LRCH2: variants seen among roughly 807,000 people sequenced by gnomAD.
LRCH2 encodes the protein leucine-rich repeat and calponin homology domain-containing protein 2.
A neutral mutation model predicts 68.9 loss-of-function variants in LRCH2; 38 were observed. The ratio of observed to expected loss-of-function variants is 0.55; its 90% confidence interval spans 0.43 to 0.72. LRCH2 has a LOEUF of 0.72. Among genes scored for constraint, LRCH2 ranks in the 30% least tolerant of loss-of-function variants. LRCH2 has a pLI of 0.00. For missense variants in LRCH2, 528 were observed against 572.9 expected (o/e 0.92, Z 0.80); for synonymous variants, 191 against 208.1 (o/e 0.92, Z 0.71).
intron 3 of LRCH2, 93 bp from the exon 4 acceptor site, chrX:115,179,844 G>T (rs1303404535): frequency 6.6e-6 from 2 of 302,181 alleles, no homozygotes; most frequent in Non-Finnish European, 1.0e-5. Flanking sequence ...AAAGCACATG[G>T]TTAATAGCTA....
At chrX:115,194,688 G>A (rs1488639100) in intron 1 of LRCH2, among the ~76,000 whole-genome samples, 1 of 111,863 alleles carries the variant, frequency 8.9e-6, no homozygotes, top group African/African-American at 3.3e-5. Flanking sequence ...AGTACTCATA[G>A]GGGATGGCAA....
intron 1 of LRCH2, among the ~76,000 whole-genome samples, chrX:115,210,655 A>G (rs1483042703): frequency 9.1e-6 from 1 of 110,277 alleles, no homozygotes; most frequent in East Asian, 2.9e-4. Flanking sequence ...CATCCTCCAG[A>G]CCCCACAATG....
intron 8 of LRCH2, 38 bp from the exon 9 acceptor site, chrX:115,165,693 G>T: frequency 1.0e-6 from 1 of 1,002,468 alleles, no homozygotes; most frequent in Non-Finnish European, 1.4e-6. Context: ...AATGTACATA[G>T]TAAACTGTAT....
At chrX:115,206,169 TTTAA>T (rs2072965526) in intron 1 of LRCH2, among the ~76,000 whole-genome samples, 2 of 112,471 alleles carry the variant, frequency 1.8e-5, no homozygotes, top group African/African-American at 6.5e-5. Flanking sequence ...CCTCAGGGAA[TTTAA>T]TTAAATGTGC....
chrX:115,122,967 G>A, intron 18 of LRCH2, 70 bp from the exon 19 acceptor site: 2 of 1,084,395 alleles, frequency 1.8e-6, no homozygotes, highest in Non-Finnish European at 2.5e-6. Context: ...ATTACTAATT[G>A]TTGTATATCC....
Position 115,122,875 on chromosome X carries a change from AC to A in LRCH2, c.1984del (p.Val662Ter). ...LRNNLESRLK[V>X]ILPDDIGAAL... ...AGCTCCAATGTCATCAGGCAAAATT[AC>A]TTTTAACCTGGATTCAAGATTCTAT... On this transcript the variant is annotated frameshift_variant, in exon 19 of 21. Transcript: ENST00000317135. LOFTEE classifies it high-confidence loss of function. The A allele has an allele frequency of 8.3e-7, 1 of 1,207,558 alleles. No individual in the cohort carries two copies.
intron 1 of LRCH2, chrX:115,192,555 T>C: frequency 8.6e-7 from 1 of 1,169,519 alleles, no homozygotes; most frequent in Non-Finnish European, 1.1e-6. Context: ...CCCTGCATGA[T>C]TCTTACAGCC....
Position 115,123,177 on chromosome X carries a change from G to C in LRCH2, c.1865C>G (p.Ser622Cys). Residue 622 changes from serine (S) to cysteine (C), a missense_variant, in exon 18 of 21, where the codon TCT becomes TGT. Physicochemically the swap from Ser to Cys is moderately radical, Grantham distance 112. Transcript: ENST00000317135. The stretch of plus-strand genomic sequence containing the variant: ...ATCTGCTGCCCCATATTCTTGGCGA[G>C]ATGAGCGGCTAAAAGCTATAAAAAC... Reference protein sequence around the residue: ...LKPRSAFSRSSRQEYGAADPG... With the variant: ...LKPRSAFSRSCRQEYGAADPG... 1 of 1,206,705 alleles carries C rather than the reference G, an allele frequency of 8.3e-7. No homozygotes were observed. Among genetic ancestry groups the C allele is most frequent in the Non-Finnish European group, 1.1e-6 (1 of 892,903 alleles).
In LRCH2 at chrX:115,181,364, G is replaced by A. The variant is rs1162793459; in HGVS notation, c.622-1613C>T. 3.6e-5 allele frequency among the ~76,000 whole-genome samples: 4 copies of A among 112,345 alleles called. No individual in the cohort carries two copies. The East Asian group carries it at 8.4e-4, about 24-fold the overall frequency. ...GTTCAGAATAGACTACTATTCAAACGATGGATAATAGAAGTTTGTGAAAAT... is the reference window on the plus strand; with the variant it reads ...GTTCAGAATAGACTACTATTCAAACAATGGATAATAGAAGTTTGTGAAAAT... On this transcript the variant is annotated intron_variant, in intron 3 of 20. Coordinates refer to ENST00000317135, the MANE Select transcript of LRCH2 (RefSeq NM_020871.4).
chrX:115,136,054 G>A (rs782638978), intron 14 of LRCH2, among the ~76,000 whole-genome samples: 42 of 111,465 alleles, frequency 3.8e-4, no homozygotes, highest in Non-Finnish European at 7.4e-4. Context: ...TTGCTTTAAT[G>A]GCATTGTCTG....
intron 12 of LRCH2, among the ~76,000 whole-genome samples, chrX:115,154,005 A>C (rs1603044106): frequency 8.9e-6 from 1 of 111,965 alleles, no homozygotes; most frequent in East Asian, 2.8e-4. Flanking sequence ...TGCTAACTAT[A>C]AGAAATGCGC....
At chrX:115,119,440 T>C (rs1409717176) in intron 20 of LRCH2, among the ~76,000 whole-genome samples, 3 of 79,765 alleles carry the variant, frequency 3.8e-5, no homozygotes, top group Non-Finnish European at 7.0e-5. Context: ...GACAATAAAA[T>C]ACCTAGGAAT....
chrX:115,186,464 G>A (rs1183600811), intron 2 of LRCH2, among the ~76,000 whole-genome samples: 1 of 111,376 alleles, frequency 9.0e-6, no homozygotes, highest in Non-Finnish European at 1.9e-5. Flanking sequence ...ACATGCCTTA[G>A]AGAAGAATTC....
intron 14 of LRCH2, among the ~76,000 whole-genome samples, chrX:115,133,946 G>A (rs180744423): frequency 5.3e-5 from 6 of 112,372 alleles, no homozygotes; most frequent in African/African-American, 1.9e-4. Context: ...AGCAGAGATA[G>A]GGTGAAGCTA....
chrX:115,129,686 C>G (rs1351779169), intron 15 of LRCH2, among the ~76,000 whole-genome samples: 2 of 111,633 alleles, frequency 1.8e-5, no homozygotes, highest in African/African-American at 6.5e-5. Flanking sequence ...GAGAATATAT[C>G]TTTTCAACAA....
At chrX:115,123,856 T>C (rs2072163799) in intron 17 of LRCH2, 89 bp downstream of exon 17, 1 of 547,785 alleles carries the variant, frequency 1.8e-6, no homozygotes, top group Non-Finnish European at 2.9e-6. Context: ...AATCTATGTG[T>C]ACTTAAGACT....
chrX:115,224,882 T>C (rs1003721725), intron 1 of LRCH2, among the ~76,000 whole-genome samples: 1 of 111,463 alleles, frequency 9.0e-6, no homozygotes, highest in Non-Finnish European at 1.9e-5. Flanking sequence ...GAATTGCCTA[T>C]TTTATGCTTA....
At chrX:115,189,987 A>C (rs2072773236) in intron 1 of LRCH2, 1 of 1,162,410 alleles carries the variant, frequency 8.6e-7, no homozygotes, top group African/African-American at 1.8e-5. Flanking sequence ...GCGGGAAGGC[A>C]CCGACTGTGT....
intron 1 of LRCH2, among the ~76,000 whole-genome samples, chrX:115,218,085 C>G (rs1556572201): frequency 9.0e-6 from 1 of 110,951 alleles, no homozygotes; most frequent in African/African-American, 3.3e-5. Flanking sequence ...TGCAGTGAGC[C>G]AAGATTGGAC....
Sources: gnomAD v4.1 joint callset for allele counts (sites outside exome capture counted in the v4.1 genomes callset) on GRCh38, gnomAD v4.1.1 for gene constraint, MANE v1.5 for transcripts, NCBI Gene and HGNC (gene_info 2026-07-23, HGNC 2026-07-21) for gene names.